DENND6B: variants seen among roughly 807,000 people sequenced by gnomAD.
DENND6B encodes protein DENND6B.
A neutral mutation model predicts 85.1 loss-of-function variants in DENND6B; 73 were observed. That is an observed-to-expected ratio of 0.86 (90% CI 0.71 to 1.04). The LOEUF (loss-of-function observed/expected upper bound fraction) is 1.04, where lower values mean the gene tolerates loss of function less well. DENND6B is among the 50% of genes least tolerant of loss of function. DENND6B has a pLI of 0.00. For synonymous variants in DENND6B, 357 were observed against 329.3 expected (o/e 1.08, Z -0.91); for missense variants, 715 against 785.8 (o/e 0.91, Z 1.08).
chr22:50,313,506 G>C lies in DENND6B; in HGVS notation c.1294-7C>G. The C allele has an allele frequency of 1.3e-6, 2 of 1,545,208 alleles. No individual in the cohort carries two copies. The highest frequency in any genetic ancestry group is 1.7e-6 in the Non-Finnish European group (2 of 1,144,166). On this transcript the variant is annotated splice_polypyrimidine_tract_variant and splice_region_variant and intron_variant, in intron 15 of 19. Transcript: ENST00000413817. Reference sequence around the variant, plus strand: ...GGCTGGCCATGTAGTGCTCCTGGGTGGGGAAGGGAGGGGAGTGAGCCCGGG... The same window carrying C: ...GGCTGGCCATGTAGTGCTCCTGGGTCGGGAAGGGAGGGGAGTGAGCCCGGG...
Position 50,314,640 on chromosome 22 carries a change from G to A in DENND6B, c.942C>T (p.Ser314=), listed in dbSNP as rs141200251. 377 of 1,567,296 alleles carry A rather than the reference G, an allele frequency of 2.4e-4. No individual in the cohort carries two copies. The highest frequency in any genetic ancestry group is 3.2e-4 in the Admixed American group (17 of 52,420). The part of the protein sequence containing the change: ...DFRPYFTIHD[S]EFKEFTTRTQ... The stretch of plus-strand genomic sequence containing the variant: ...TGCGTGTGGTGAACTCCTTGAACTC[G>A]CTGTCATGGATGGTGAAGTAGGGAC... Residue 314 remains serine, a synonymous_variant, in exon 11 of 20, where the codon AGC becomes AGT. Transcript: ENST00000413817.
intron 1 of DENND6B, among the ~76,000 whole-genome samples, chr22:50,324,801 G>T (rs2042147139): frequency 6.6e-6 from 1 of 152,164 alleles, no homozygotes; most frequent in Admixed American, 6.5e-5. Context: ...TGGGAGAGGG[G>T]TTACCTGAAA....
At chr22:50,318,691 G>A (rs2041937225) in intron 3 of DENND6B, among the ~76,000 whole-genome samples, 156 bp downstream of exon 3, 1 of 152,124 alleles carries the variant, frequency 6.6e-6, no homozygotes, top group African/African-American at 2.4e-5. Flanking sequence ...GCGGGGCTCT[G>A]GGTGCCTCCA....
Position 50,312,641 on chromosome 22 carries a change from G to A in DENND6B, c.1458-16C>T. ...GAAAAACCGCCTGTGGGGATTAACA[G>A]GCGGGGGGCCATGGGGCTGACCCTG... On this transcript the variant is annotated splice_polypyrimidine_tract_variant and intron_variant, in intron 17 of 19. Transcript: ENST00000413817. 3.2e-6 allele frequency: 5 copies of A among 1,554,896 alleles called. No homozygotes were observed. The highest frequency in any genetic ancestry group is 4.4e-6 in the Non-Finnish European group (5 of 1,149,412).
Position 50,318,011 on chromosome 22 carries a change from C to A in DENND6B, c.269G>T (p.Gly90Val). 3 of 1,612,262 alleles carry A rather than the reference C, an allele frequency of 1.9e-6. No individual in the cohort carries two copies. Among genetic ancestry groups the A allele is most frequent in the Non-Finnish European group, 2.5e-6 (3 of 1,179,596 alleles). The part of the protein sequence containing the change: ...SFPDSHSGCL[G>V]DTQFSFRMRQ... ...CATGCGGAAGCTGAACTGAGTGTCT[C>A]CAAGGCAGCCTAAGAAGGGGCAGCC... The change falls in exon 4 of 20, where the codon GGA becomes GTA. Residue 90 changes from glycine (G) to valine (V), a missense_variant. By Grantham distance (109) the Gly-to-Val change is moderately radical. Coordinates refer to ENST00000413817, the MANE Select transcript of DENND6B (RefSeq NM_001001794.4).
chr22:50,313,022 C>A lies in DENND6B; in HGVS notation c.1434G>T (p.Lys478Asn). Residue 478 changes from lysine (K) to asparagine (N), a missense_variant, in exon 17 of 20, where the codon AAG (lysine) becomes AAT (asparagine). By Grantham distance (94) the Lys-to-Asn change is moderately conservative. Coordinates refer to ENST00000413817, the MANE Select transcript of DENND6B (RefSeq NM_001001794.4). ...ACCTGTAGAGACCCAGCCAGTCGCC[C>A]TTGAGGATGCAGGTGAGCTGGGGCC... ...HAGPQLTCIL[K>N]GDWLGLYRRF... is the part of the protein sequence containing the mutation. The A allele has an allele frequency of 6.4e-7, 1 of 1,560,952 alleles. No homozygotes were observed. Among genetic ancestry groups the A allele is most frequent in the East Asian group, 2.4e-5 (1 of 41,590 alleles).
At chr22:50,313,342 G>A in intron 16 of DENND6B, 104 bp downstream of exon 16, 1 of 1,423,976 alleles carries the variant, frequency 7.0e-7, no homozygotes, top group Non-Finnish European at 9.4e-7. Flanking sequence ...TGAGGCCTGT[G>A]GCTCCTGCCC....
chr22:50,324,964 A>G (rs1476288752), intron 1 of DENND6B, among the ~76,000 whole-genome samples: 1 of 152,190 alleles, frequency 6.6e-6, no homozygotes, highest in Non-Finnish European at 1.5e-5. Context: ...AGCTGGGCTG[A>G]GCTGTGACTG....
chr22:50,312,523 C>A lies in DENND6B; in HGVS notation c.1560G>T (p.Ala520=). The change falls in exon 18 of 20, where the codon GCG becomes GCT. Residue 520 remains alanine (A), a splice_region_variant and synonymous_variant. Transcript: ENST00000413817. ...CTCCCCAACCCCCAGCCTCTCTCAC[C>A]GCCTCACAGATAGCCTCCAGGTGCA... ...EALHLEAICE[A]NIETWMKDKS... 1.3e-6 allele frequency: 2 copies of A among 1,584,616 alleles called. No individual in the cohort carries two copies. The highest frequency in any genetic ancestry group is 2.3e-5 in the South Asian group (2 of 87,194).
intron 13 of DENND6B, 125 bp downstream of exon 13, chr22:50,314,082 T>A: frequency 7.5e-7 from 1 of 1,329,798 alleles, no homozygotes; most frequent in Non-Finnish European, 1.0e-6. Flanking sequence ...GGTTCTGAGC[T>A]CTGCTGCTGA....
intron 9 of DENND6B, 49 bp downstream of exon 9, chr22:50,315,665 C>T (rs1490123504): frequency 1.3e-6 from 2 of 1,540,150 alleles, no homozygotes; most frequent in Non-Finnish European, 1.8e-6. Context: ...TGCACGTGCA[C>T]ACACAGTGAG....
chr22:50,326,773 C>T (rs758710786), intron 1 of DENND6B, 39 bp downstream of exon 1: 18 of 1,342,782 alleles, frequency 1.3e-5, no homozygotes, highest in Non-Finnish European at 1.9e-6. Flanking sequence ...GAGGCGCAGC[C>T]CTGCCCACCC....
Position 50,318,973 on chromosome 22 carries a change from CTG to C in DENND6B, c.206_207del (p.Thr69ArgfsTer109). 1 of 1,606,368 alleles carries C rather than the reference CTG, an allele frequency of 6.2e-7. No individual in the cohort carries two copies. Among genetic ancestry groups the C allele is most frequent in the Non-Finnish European group, 8.5e-7 (1 of 1,176,610 alleles). ...ELVYPNDFRL[T>X]DKEKSSICYL... ...AGAGGGCCGGGACTCACCTCCTTGT[CTG>C]TGAGCCGGAAGTCGTTCGGATACAC... On this transcript the variant is annotated frameshift_variant, in exon 2 of 20. Transcript: ENST00000413817. LOFTEE classifies it high-confidence loss of function.
At chr22:50,314,967 C>T in intron 9 of DENND6B, 46 bp from the exon 10 acceptor site, 1 of 1,596,438 alleles carries the variant, frequency 6.3e-7, no homozygotes, top group African/African-American at 1.3e-5. Context: ...GGGGCTGAGA[C>T]TCCTGGCTCT....
chr22:50,316,275 T>C, intron 6 of DENND6B, 22 bp from the exon 7 acceptor site: 1 of 1,581,444 alleles, frequency 6.3e-7, no homozygotes, highest in Non-Finnish European at 8.6e-7. Context: ...GTAGCCCGCA[T>C]CAGGACCCTC....
intron 1 of DENND6B, among the ~76,000 whole-genome samples, chr22:50,322,199 T>C (rs905688692): frequency 4.6e-5 from 7 of 150,922 alleles, no homozygotes; most frequent in African/African-American, 1.5e-4. Context: ...CTCAGCCTCC[T>C]GAGTAGCTGG....
intron 3 of DENND6B, 77 bp from the exon 4 acceptor site, chr22:50,318,097 G>T: frequency 6.8e-7 from 1 of 1,472,104 alleles, no homozygotes. Context: ...TGACCGGGGA[G>T]CAAGGGCCCT....
At position 50,313,099 on chromosome 22, in the gene DENND6B, G is replaced by A; in HGVS notation, c.1357C>T (p.Gln453Ter). The A allele has an allele frequency of 3.9e-6, 6 of 1,554,008 alleles. No homozygotes were observed. The highest frequency in any genetic ancestry group is 1.4e-5 in the African/African-American group (1 of 73,312). ...TCATCCTGGCTGAAGGGCTGGATCT[G>A]GGGGGGAGTCTGAGAGGGGATGGGT... Reference protein sequence around the residue: ...KSITPWKTPPQIQPFSQDDFL... With the variant: ...KSITPWKTPP The change falls in exon 17 of 20, where the codon CAG becomes TAG. Residue 453 changes from glutamine (Q) to a stop codon, truncating the protein, a stop_gained. Coordinates refer to ENST00000413817, the MANE Select transcript of DENND6B (RefSeq NM_001001794.4). LOFTEE classifies it high-confidence loss of function.
chr22:50,322,633 T>C (rs1292624959), intron 1 of DENND6B, among the ~76,000 whole-genome samples: 3 of 152,196 alleles, frequency 2.0e-5, no homozygotes, highest in East Asian at 3.9e-4. Flanking sequence ...CACTGCAACC[T>C]TTGCCTCCCA....
Sources: allele counts gnomAD v4.1 joint callset (sites outside exome capture counted in the v4.1 genomes callset), GRCh38; gene constraint gnomAD v4.1.1; transcripts MANE v1.5; gene names NCBI Gene and HGNC (gene_info 2026-07-23, HGNC 2026-07-21).